The following KLHL8 variants were observed in gnomAD, a reference collection of about 807,000 sequenced individuals.
KLHL8 encodes the protein kelch-like protein 8.
Under a neutral mutation model 63.5 loss-of-function variants are expected in KLHL8, and 38 were observed. That is an observed-to-expected ratio of 0.60 (90% CI 0.46 to 0.78). The LOEUF is 0.78. KLHL8 is among the 30% of genes least tolerant of loss of function. KLHL8 has a pLI of 0.00. For missense variants in KLHL8, 566 were observed against 752.4 expected (o/e 0.75, Z 2.90); for synonymous variants, 224 against 254.3 (o/e 0.88, Z 1.13).
At chr4:87,187,922 A>C (rs1477813905) in intron 2 of KLHL8, among the ~76,000 whole-genome samples, 1 of 152,202 alleles carries the variant, frequency 6.6e-6, no homozygotes, top group Non-Finnish European at 1.5e-5. Flanking sequence ...TTTGAGAACT[A>C]ATTTTAAAAT....
At chr4:87,178,720 T>C in intron 4 of KLHL8, 100 bp from the exon 5 acceptor site, 1 of 1,175,498 alleles carries the variant, frequency 8.5e-7, no homozygotes, top group East Asian at 2.8e-5. Context: ...CAAAAAAAAG[T>C]TATTTGGATA....
At chr4:87,203,187 T>C (rs979877258) in intron 1 of KLHL8, among the ~76,000 whole-genome samples, 1 of 152,174 alleles carries the variant, frequency 6.6e-6, no homozygotes, top group Non-Finnish European at 1.5e-5. Context: ...TAATTGTCTA[T>C]GTAAACCATT....
rs576911722 is a variant in KLHL8 at position 87,232,397 on chromosome 4, A to T, written n.57+7861T>A. On this transcript the variant is annotated intron_variant and non_coding_transcript_variant, in intron 1 of 1. Coordinates refer to the KLHL8 transcript ENST00000506274. ...ATCTTTCACTGCTACATACTATTTC[A>T]TCATATGAATATACCATAATTTACT... Among the ~76,000 whole-genome samples the T allele has an allele frequency of 5.9e-5, 9 of 152,314 alleles. No individual in the cohort carries two copies. The South Asian group carries it at 1.2e-3, about 21-fold the overall frequency.
chr4:87,181,052 T>C (rs1731031588), intron 4 of KLHL8, among the ~76,000 whole-genome samples: 1 of 147,178 alleles, frequency 6.8e-6, no homozygotes, highest in East Asian at 2.0e-4. Context: ...ATTTTTTTAA[T>C]AAAAAAAAAA....
intron 2 of KLHL8, among the ~76,000 whole-genome samples, chr4:87,193,618 CAT>C (rs1404882216): frequency 6.6e-6 from 1 of 152,104 alleles, no homozygotes. Context: ...AAGCCTGTAA[CAT>C]AATCATTTAT....
chr4:87,184,460 C>A (rs1286928519), intron 3 of KLHL8, among the ~76,000 whole-genome samples: 1 of 152,150 alleles, frequency 6.6e-6, no homozygotes, highest in East Asian at 1.9e-4. Flanking sequence ...TATTAGGAAA[C>A]TTTGTTATTA....
intron 1 of KLHL8, chr4:87,207,452 C>T (rs1173527827): frequency 4.1e-6 from 3 of 724,472 alleles, no homozygotes; most frequent in Non-Finnish European, 7.6e-6. Context: ...ATCATCTCTC[C>T]CCACTTTGTT....
In KLHL8 at chr4:87,168,442, C is replaced by T. The variant is rs560434760; in HGVS notation, c.1537+1637G>A. 9.2e-5 allele frequency among the ~76,000 whole-genome samples: 14 copies of T among 151,934 alleles called. No individual in the cohort carries two copies. In the South Asian group the frequency reaches 1.7e-3, roughly 18 times the overall value. ...TGTGAACTGAGTCTTGTTATTCTTT[C>T]GGCGTTTTGTGGAATAAGCAGTGAA... On this transcript the variant is annotated intron_variant, in intron 8 of 9. Transcript: ENST00000273963.
In KLHL8 at chr4:87,176,985, G is replaced by A. The variant is rs368281311; in HGVS notation, c.1097-117C>T. ...CACCATAAGTTAATTTTCAATAATT[G>A]CTGTTCTGTTCAACATTATGATCAA... On this transcript the variant is annotated intron_variant, in intron 5 of 9. Coordinates refer to ENST00000273963, the MANE Select transcript of KLHL8 (RefSeq NM_020803.5). 7.1e-6 allele frequency: 4 copies of A among 562,958 alleles called. No individual in the cohort carries two copies. The African/African-American group carries it at 7.7e-5, about 11-fold the overall frequency. The allele number at this position is 562,958 out of a possible 1,614,324, so 34.9% of individuals were successfully genotyped here.
At chr4:87,173,115 A>G (rs1267816822) in intron 6 of KLHL8, among the ~76,000 whole-genome samples, 2 of 152,084 alleles carry the variant, frequency 1.3e-5, no homozygotes, top group South Asian at 4.1e-4. Flanking sequence ...CTGGTTTTTG[A>G]AGGCTCTTCA....
chr4:87,168,107 T>C (rs1294890320), intron 8 of KLHL8, among the ~76,000 whole-genome samples: 6 of 152,216 alleles, frequency 3.9e-5, no homozygotes, highest in African/African-American at 1.4e-4. Flanking sequence ...AACCATAGTT[T>C]GATGCCTGCT....
intron 6 of KLHL8, among the ~76,000 whole-genome samples, chr4:87,172,895 T>C (rs1282067692): frequency 6.6e-6 from 1 of 152,152 alleles, no homozygotes; most frequent in Non-Finnish European, 1.5e-5. Context: ...AATTCCCCTA[T>C]TATTTAAATA....
chr4:87,215,909 T>G (rs745654309), intron 1 of KLHL8, among the ~76,000 whole-genome samples: 62 of 152,176 alleles, frequency 4.1e-4, no homozygotes, highest in Non-Finnish European at 6.9e-4. Context: ...TTAATAAAAT[T>G]TTATACTCTA....
Position 87,164,711 on chromosome 4 carries a change from A to C in KLHL8, c.1538-632T>G, listed in dbSNP as rs972033142. 2.6e-5 allele frequency among the ~76,000 whole-genome samples: 4 copies of C among 152,286 alleles called. No individual in the cohort carries two copies. In the East Asian group the frequency reaches 7.7e-4, roughly 29 times the overall value. On this transcript the variant is annotated intron_variant, in intron 8 of 9. Coordinates refer to ENST00000273963, the MANE Select transcript of KLHL8 (RefSeq NM_020803.5). ...TTAATCTGTTCCTGAGGTTATAGAG[A>C]CTGTTATTTCAACAGTGCTCCTTCC...
Position 87,185,396 on chromosome 4 carries a change from C to T in KLHL8, c.620G>A (p.Ser207Asn), listed in dbSNP as rs1477133921. The change falls in exon 3 of 10, where the codon AGT becomes AAT. Residue 207 changes from serine to asparagine, a missense_variant. Coordinates refer to ENST00000273963, the MANE Select transcript of KLHL8 (RefSeq NM_020803.5). ...CTTATGGAGGTGCTGCGGTGATACA[C>T]TTACAAAGTCTTCACACTCCACTAC... ...TEVVECEDFV[S>N]VSPQHLHKLL... The T allele has an allele frequency of 6.2e-7, 1 of 1,614,074 alleles. No individual in the cohort carries two copies. Among genetic ancestry groups the T allele is most frequent in the Non-Finnish European group, 8.5e-7 (1 of 1,180,036 alleles).
At chr4:87,216,151 G>T (rs921495700) in intron 1 of KLHL8, among the ~76,000 whole-genome samples, 36 of 152,124 alleles carry the variant, frequency 2.4e-4, no homozygotes, top group African/African-American at 8.5e-4. Context: ...CAAGGCTGGG[G>T]GTGGGGAAGA....
At chr4:87,206,346 A>T (rs543790699) in intron 1 of KLHL8, among the ~76,000 whole-genome samples, 6 of 152,188 alleles carry the variant, frequency 3.9e-5, no homozygotes, top group African/African-American at 1.4e-4. Context: ...CAAACTGCTT[A>T]ATGTATGTAG....
intron 1 of KLHL8, among the ~76,000 whole-genome samples, chr4:87,234,194 C>G (rs893551686): frequency 6.6e-6 from 1 of 152,160 alleles, no homozygotes; most frequent in African/African-American, 2.4e-5. Context: ...AACCCAAGCA[C>G]TTTGGGAGGC....
At position 87,215,455 on chromosome 4, in the gene KLHL8, A is replaced by C. The variant is rs546209754; in HGVS notation, c.-152+4963T>G. 4.9e-4 allele frequency among the ~76,000 whole-genome samples: 75 copies of C among 152,350 alleles called. No homozygotes were observed. The South Asian group carries it at 0.015, about 31-fold the overall frequency. On this transcript the variant is annotated intron_variant, in intron 1 of 9. Coordinates refer to ENST00000273963, the MANE Select transcript of KLHL8 (RefSeq NM_020803.5). The stretch of plus-strand genomic sequence containing the variant: ...TTGGTTTAGAACCTTGAACTTTGAA[A>C]AACATTTCAACTTTAAATGAAAATA...
Sources: allele counts gnomAD v4.1 joint callset (sites outside exome capture counted in the v4.1 genomes callset), GRCh38; gene constraint gnomAD v4.1.1; transcripts MANE v1.5; gene names NCBI Gene and HGNC (gene_info 2026-07-23, HGNC 2026-07-21).